TUBGCP4: variants seen among roughly 807,000 people sequenced by gnomAD.
The protein encoded by TUBGCP4 is gamma-tubulin complex component 4.
In TUBGCP4, 54 loss-of-function variants were observed where a neutral mutation model predicts 91.6. The observed-to-expected ratio is 0.59, with a 90% CI of 0.47 to 0.74. The LOEUF (loss-of-function observed/expected upper bound fraction) is 0.74, where lower values mean the gene tolerates loss of function less well. TUBGCP4 is among the 30% of genes least tolerant of loss of function. The pLI is 0.00. For synonymous variants in TUBGCP4, 297 were observed against 302.8 expected, an observed-to-expected ratio of 0.98 and a Z score of 0.20; for missense variants, 593 against 800.9, an observed-to-expected ratio of 0.74 and a Z score of 3.13.
Position 43,407,067 on chromosome 15 carries a change from C to A in TUBGCP4, c.*1853C>A, listed in dbSNP as rs45626239. The A allele has an allele frequency of 0.016, 4,382 of 270,582 alleles. 177 individuals carry two copies. Among genetic ancestry groups the A allele is most frequent in the African/African-American group, 0.09 (4,095 of 45,398 alleles). The allele number at this position is 270,582 out of a possible 1,614,324, so 16.8% of individuals were successfully genotyped here. A position where few individuals can be genotyped will look rare whatever the true frequency, so the allele number is the denominator to read the frequency against. On this transcript the variant is annotated 3_prime_UTR_variant, in exon 18 of 18. Transcript: ENST00000564079. The stretch of plus-strand genomic sequence containing the variant: ...GAATAACCTTTTGGGAATGATGCCA[C>A]AGAATAAAGTTCACTCTTAACTTTT...
intron 12 of TUBGCP4, among the ~76,000 whole-genome samples, chr15:43,397,704 A>G (rs1240991923): frequency 6.6e-6 from 1 of 152,172 alleles, no homozygotes. Flanking sequence ...CGCAGACTCC[A>G]TTGAGCTCTG....
intron 1 of TUBGCP4, among the ~76,000 whole-genome samples, chr15:43,373,525 C>A (rs954676514): frequency 9.9e-5 from 15 of 152,050 alleles, no homozygotes; most frequent in African/African-American, 3.4e-4. Flanking sequence ...CAATTATTTT[C>A]TTCAGTTTAT....
At chr15:43,396,180 G>A (rs2044577128) in intron 11 of TUBGCP4, among the ~76,000 whole-genome samples, 2 of 152,148 alleles carry the variant, frequency 1.3e-5, no homozygotes, top group Non-Finnish European at 2.9e-5. Flanking sequence ...TGACCTTCTG[G>A]AAACATGATC....
rs2044994646 is a variant in TUBGCP4 at position 43,408,447 on chromosome 15, C to CAGA, written c.*3233_*3234insAGA. ...AGTAAGTCGTCACTGCGCCACTGTA[C>CAGA]TCCAGCCTAGGTGACAGAGCAAGAC... On this transcript the variant is annotated 3_prime_UTR_variant, in exon 18 of 18. Coordinates refer to ENST00000564079, the MANE Select transcript of TUBGCP4 (RefSeq NM_014444.5). 3.7e-6 allele frequency: 1 copy of CAGA among 269,810 alleles called. No homozygotes were observed. Among genetic ancestry groups the CAGA allele is most frequent in the African/African-American group, 2.2e-5 (1 of 44,640 alleles). The allele number at this position is 269,810 out of a possible 1,614,324, so 16.7% of individuals were successfully genotyped here. A position where few individuals can be genotyped will look rare whatever the true frequency, so the allele number is the denominator to read the frequency against.
chr15:43,376,859 C>T (rs747448229), intron 3 of TUBGCP4, among the ~76,000 whole-genome samples, 155 bp from the exon 4 acceptor site: 15 of 151,990 alleles, frequency 9.9e-5, no homozygotes, highest in African/African-American at 1.5e-4. Flanking sequence ...CTTTATGGCC[C>T]GAAAATCAGG....
At chr15:43,383,098 A>G (rs2044308180) in intron 6 of TUBGCP4, among the ~76,000 whole-genome samples, 1 of 152,244 alleles carries the variant, frequency 6.6e-6, no homozygotes, top group Non-Finnish European at 1.5e-5. Flanking sequence ...ATCAGCACAT[A>G]TACTGAACAT....
chr15:43,381,045 G>A lies in TUBGCP4; in HGVS notation c.521+882G>A, dbSNP rs191803491. Among the ~76,000 whole-genome samples, 593 of 152,098 alleles carry A rather than the reference G, an allele frequency of 3.9e-3. 3 individuals are homozygous for A. The highest frequency in any genetic ancestry group is 6.4e-3 in the Non-Finnish European group (433 of 68,002). On this transcript the variant is annotated intron_variant, in intron 6 of 17. Coordinates refer to ENST00000564079, the MANE Select transcript of TUBGCP4 (RefSeq NM_014444.5). ...TGGTCTCGAACTCCTAGGCTCAACC[G>A]ATATTCACATCTTGGCCTCCCAAAG... is the stretch of plus-strand genomic sequence containing the variant.
chr15:43,408,802 T>C lies in TUBGCP4; in HGVS notation c.*3588T>C. 7.9e-7 allele frequency: 1 copy of C among 1,268,192 alleles called. No individual in the cohort carries two copies. The highest frequency in any genetic ancestry group is 1.1e-6 in the Non-Finnish European group (1 of 891,744). The allele number at this position is 1,268,192 out of a possible 1,614,324, so 78.6% of individuals were successfully genotyped here. A position where few individuals can be genotyped will look rare whatever the true frequency, so the allele number is the denominator to read the frequency against. Reference sequence around the variant, plus strand: ...AAATTTATCCCACAGACATTCCAATTTCTAGAAAGCTTTACTCTCTCACCT... The same window carrying C: ...AAATTTATCCCACAGACATTCCAATCTCTAGAAAGCTTTACTCTCTCACCT... On this transcript the variant is annotated 3_prime_UTR_variant, in exon 18 of 18. Coordinates refer to ENST00000564079, the MANE Select transcript of TUBGCP4 (RefSeq NM_014444.5).
In TUBGCP4 at chr15:43,407,222, AC is replaced by A. The variant is rs2044930464; in HGVS notation, c.*2010del. 1.6e-6 allele frequency: 1 copy of A among 645,066 alleles called. No individual in the cohort carries two copies. Among genetic ancestry groups the A allele is most frequent in the Non-Finnish European group, 2.6e-6 (1 of 382,066 alleles). The allele number at this position is 645,066 out of a possible 1,614,324, so 40.0% of individuals were successfully genotyped here. On this transcript the variant is annotated 3_prime_UTR_variant, in exon 18 of 18. Transcript: ENST00000564079. ...AGATGAAGAAATCCCAGTTACTACAACCAAAGAGATTCAACATTTATTTTAT... is the reference window on the plus strand; with the variant it reads ...AGATGAAGAAATCCCAGTTACTACAACAAAGAGATTCAACATTTATTTTAT...
rs1453446696 is a variant in TUBGCP4 at position 43,409,064 on chromosome 15, C to T, written c.*3850C>T. On this transcript the variant is annotated 3_prime_UTR_variant, in exon 18 of 18. Transcript: ENST00000564079. ...ACTTCCGGGTTCGACAATGCTGATC[C>T]GCAATTAGAAGACACTGGTAAGCTG... 6.8e-6 allele frequency: 11 copies of T among 1,614,034 alleles called. No homozygotes were observed. The highest frequency in any genetic ancestry group is 1.3e-5 in the African/African-American group (1 of 74,898).
chr15:43,375,558 A>G (rs952018085), intron 1 of TUBGCP4, among the ~76,000 whole-genome samples: 3 of 152,244 alleles, frequency 2.0e-5, no homozygotes, highest in Non-Finnish European at 2.9e-5. Context: ...ACAAATGTAA[A>G]TATGGACACT....
In TUBGCP4 at chr15:43,377,886, C is replaced by G; in HGVS notation, c.424C>G (p.Gln142Glu). ...TCCCTCTGTGATGGTTGTAGTAGAACAAATTAAAAGTCAAAAGGTGAGAAC... is the reference window on the plus strand; with the variant it reads ...TCCCTCTGTGATGGTTGTAGTAGAAGAAATTAAAAGTCAAAAGGTGAGAAC... The part of the protein sequence containing the change: ...LFPSVMVVVE[Q>E]IKSQKIHGCQ... The change falls in exon 5 of 18, where the codon CAA becomes GAA. Residue 142 changes from glutamine (Q) to glutamate (E), a missense_variant. By Grantham distance (29) the Gln-to-Glu change is conservative. Transcript: ENST00000564079. 4 of 1,605,866 alleles carry G rather than the reference C, an allele frequency of 2.5e-6. No individual in the cohort carries two copies. The highest frequency in any genetic ancestry group is 3.4e-6 in the Non-Finnish European group (4 of 1,177,886).
intron 9 of TUBGCP4, among the ~76,000 whole-genome samples, chr15:43,388,390 G>A (rs974831521): frequency 2.6e-5 from 4 of 152,176 alleles, no homozygotes; most frequent in African/African-American, 9.7e-5. Context: ...CAGAATGTTC[G>A]ATCTTAAAAT....
chr15:43,385,935 A>C lies in TUBGCP4; in HGVS notation c.868A>C (p.Asn290His), dbSNP rs2044350097. The change falls in exon 8 of 18, where the codon AAT becomes CAT. Residue 290 changes from asparagine to histidine, a missense_variant. Transcript: ENST00000564079. ...GESVQMFENQ[N>H]VNLTRKGSIL... ...ATCTGTCCAGATGTTTGAGAATCAAAATGTGAACCTGACTAGAAAAGGTAG... is the reference window on the plus strand; with the variant it reads ...ATCTGTCCAGATGTTTGAGAATCAACATGTGAACCTGACTAGAAAAGGTAG... 1 of 1,614,102 alleles carries C rather than the reference A, an allele frequency of 6.2e-7. No individual in the cohort carries two copies. The highest frequency in any genetic ancestry group is 1.3e-5 in the African/African-American group (1 of 75,032).
chr15:43,376,447 T>A, intron 2 of TUBGCP4, 56 bp from the exon 3 acceptor site: 1 of 1,613,880 alleles, frequency 6.2e-7, no homozygotes, highest in Non-Finnish European at 8.5e-7. Flanking sequence ...TGATAATGTC[T>A]TTCTCAGGTT....
chr15:43,408,959 C>T lies in TUBGCP4; in HGVS notation c.*3745C>T. 1.9e-6 allele frequency: 3 copies of T among 1,614,164 alleles called. No individual in the cohort carries two copies. Among genetic ancestry groups the T allele is most frequent in the Non-Finnish European group, 2.5e-6 (3 of 1,180,030 alleles). On this transcript the variant is annotated 3_prime_UTR_variant, in exon 18 of 18. Transcript: ENST00000564079. ...CTGGCAACAGATAATTACGGTAGTTCTGGAGCTGGTTGGCATGGCAACTAT... is the reference window on the plus strand; with the variant it reads ...CTGGCAACAGATAATTACGGTAGTTTTGGAGCTGGTTGGCATGGCAACTAT...
At chr15:43,397,541 G>GT (rs551177616) in intron 12 of TUBGCP4, among the ~76,000 whole-genome samples, 443 of 150,926 alleles carry the variant, frequency 2.9e-3, no homozygotes, top group South Asian at 0.017. Flanking sequence ...TTTTTTTGGT[G>GT]TTTTTTTTTG....
In TUBGCP4 at chr15:43,383,492, A is replaced by G; in HGVS notation, c.711A>G (p.Glu237=). The G allele has an allele frequency of 6.2e-7, 1 of 1,606,114 alleles. No individual in the cohort carries two copies. Among genetic ancestry groups the G allele is most frequent in the Non-Finnish European group, 8.5e-7 (1 of 1,176,360 alleles). ...IGGLTGKQLR[E]LQDLRLIEEE... is the part of the protein sequence containing the mutation. ...GACTGACAGGAAAACAACTGAGAGA[A>G]CTGCAGGACTTGGTGAGAGCCCAAA... Residue 237 remains glutamate, a synonymous_variant, in exon 7 of 18, where the codon GAA becomes GAG. Transcript: ENST00000564079.
chr15:43,373,944 G>T (rs931903849), intron 1 of TUBGCP4, among the ~76,000 whole-genome samples: 1 of 152,164 alleles, frequency 6.6e-6, no homozygotes, highest in Non-Finnish European at 1.5e-5. Flanking sequence ...GAGCCACTGC[G>T]CCCGGCAAGA....
Sources: gnomAD v4.1 joint callset for allele counts (sites outside exome capture counted in the v4.1 genomes callset) on GRCh38, gnomAD v4.1.1 for gene constraint, MANE v1.5 for transcripts, NCBI Gene and HGNC (gene_info 2026-07-23, HGNC 2026-07-21) for gene names.